Variants in APLF observed in about 807,000 individuals in gnomAD.
APLF encodes aprataxin and PNKP like factor, also known as aprataxin and PNK-like factor.
Under a neutral mutation model 55.6 loss-of-function variants are expected in APLF, and 61 were observed. The ratio of observed to expected loss-of-function variants is 1.10; its 90% CI spans 0.89 to 1.36. The LOEUF (loss-of-function observed/expected upper bound fraction) is 1.36, where lower values mean the gene tolerates loss of function less well. APLF is among the 40% of genes most tolerant of loss of function. APLF has a pLI of 0.00. For missense variants in APLF, 611 were observed against 602.5 expected, an observed-to-expected ratio of 1.01 and a Z score of -0.15; for synonymous variants, 207 against 214.8, an observed-to-expected ratio of 0.96 and a Z score of 0.32.
rs73934388 is a variant in APLF at position 68,529,340 on chromosome 2, G to A, written c.804+3098G>A. 1.1e-3 allele frequency: 1,493 copies of A among 1,335,136 alleles called. 15 individuals carry two copies. In the African/African-American group the frequency reaches 0.02, roughly 18 times the overall value. The allele number at this position is 1,335,136 out of a possible 1,614,324, so 82.7% of individuals were successfully genotyped here. A position where few individuals can be genotyped will look rare whatever the true frequency, so the allele number is the denominator to read the frequency against. ...AAAGAGTCCTGGGGCAGGCACAGGT[G>A]CAGGAGCCGCGGGGTGAGCCCGGCC... On this transcript the variant is annotated intron_variant, in intron 6 of 9. Coordinates refer to ENST00000303795, the MANE Select transcript of APLF (RefSeq NM_173545.3). This position sits in a 1 kb window ranked among gnomAD's most constrained non-coding sequence, Gnocchi z 4.4.
intron 1 of APLF, among the ~76,000 whole-genome samples, chr2:68,481,239 G>GTAAT (rs1273676902): frequency 6.6e-6 from 1 of 152,110 alleles, no homozygotes; most frequent in Non-Finnish European, 1.5e-5. Flanking sequence ...AAGCCTTGTA[G>GTAAT]TAATTCCTTT....
intron 8 of APLF, among the ~76,000 whole-genome samples, chr2:68,559,722 C>A (rs1273436894): frequency 6.6e-6 from 1 of 152,100 alleles, no homozygotes; most frequent in Non-Finnish European, 1.5e-5. Flanking sequence ...CAGTCATAAC[C>A]ACCATCCTCT....
chr2:68,513,730 A>G (rs754329666), intron 5 of APLF, 50 bp downstream of exon 5: 3 of 1,587,456 alleles, frequency 1.9e-6, no homozygotes, highest in Non-Finnish European at 2.6e-6. Flanking sequence ...CATTAAACAG[A>G]ATTTGAAAGC....
chr2:68,565,514 G>GATAGATAGATAGATAGATAC lies in APLF; in HGVS notation c.1287-1824_1287-1823insGATAGATAGATAGATACATA, dbSNP rs60590885. On this transcript the variant is annotated intron_variant, in intron 8 of 9. Transcript: ENST00000303795. ...AGTTAGATAGACAGATAGACAGATA[G>GATAGATAGATAGATAGATAC]ATACATACATACATACATACATACA... is the stretch of plus-strand genomic sequence containing the variant. Among the ~76,000 whole-genome samples the GATAGATAGATAGATAGATAC allele has an allele frequency of 3.9e-3, 578 of 149,006 alleles. 9 individuals are homozygous for GATAGATAGATAGATAGATAC. Among genetic ancestry groups the GATAGATAGATAGATAGATAC allele is most frequent in the African/African-American group, 0.014 (557 of 40,168 alleles).
chr2:68,563,870 A>G (rs1031996124), intron 8 of APLF, among the ~76,000 whole-genome samples: 2 of 152,104 alleles, frequency 1.3e-5, no homozygotes, highest in African/African-American at 4.8e-5. Context: ...TCAAATGATT[A>G]TAGATAGATA....
intron 9 of APLF, chr2:68,568,172 C>A: frequency 1.6e-6 from 1 of 628,344 alleles, no homozygotes; most frequent in African/African-American, 2.0e-5. Flanking sequence ...GTTTGTTATG[C>A]TTCTAAACTG....
intron 9 of APLF, among the ~76,000 whole-genome samples, chr2:68,575,796 T>C (rs1268551200): frequency 1.3e-5 from 2 of 152,116 alleles, no homozygotes; most frequent in African/African-American, 4.8e-5. Flanking sequence ...AGAGTTATGT[T>C]CTGGAAATGT....
intron 6 of APLF, among the ~76,000 whole-genome samples, chr2:68,536,984 G>A (rs1386453022): frequency 6.6e-6 from 1 of 151,880 alleles, no homozygotes; most frequent in East Asian, 1.9e-4. Context: ...TTGGCCAACA[G>A]TGAAACCCCG....
chr2:68,568,138 T>C (rs888213292), intron 9 of APLF: 2 of 299,524 alleles, frequency 6.7e-6, no homozygotes, highest in African/African-American at 4.5e-5. Context: ...TCTGTCCTAC[T>C]TACCTCAATC....
chr2:68,567,489 T>G (rs1326370529), intron 9 of APLF, 102 bp downstream of exon 9: 2 of 952,728 alleles, frequency 2.1e-6, no homozygotes, highest in African/African-American at 3.5e-5. Flanking sequence ...AATCTCTGCT[T>G]CTGTGAATTT....
intron 9 of APLF, among the ~76,000 whole-genome samples, chr2:68,572,890 G>A (rs944895114): frequency 3.3e-5 from 5 of 152,088 alleles, no homozygotes; most frequent in Admixed American, 1.3e-4. Context: ...TTTTCTCCAT[G>A]CAAAATCAAC....
At position 68,577,994 on chromosome 2, in the gene APLF, A is replaced by T; in HGVS notation, c.1508A>T (p.Glu503Val). The stretch of plus-strand genomic sequence containing the variant: ...GAAGATGTGGAAGAGCTTTTGAAAG[A>T]AGCAAAAAGGTTTATGAAAAGAAAA... ...EKEDVEELLK[E>V]AKRFMKRK Residue 503 changes from glutamate to valine, a missense_variant, in exon 10 of 10, where the codon GAA becomes GTA. Transcript: ENST00000303795. 1 of 1,613,166 alleles carries T rather than the reference A, an allele frequency of 6.2e-7. No homozygotes were observed. The highest frequency in any genetic ancestry group is 8.5e-7 in the Non-Finnish European group (1 of 1,179,540).
intron 1 of APLF, among the ~76,000 whole-genome samples, chr2:68,487,882 T>C (rs1676233720): frequency 6.6e-6 from 1 of 151,776 alleles, no homozygotes; most frequent in East Asian, 1.9e-4. Context: ...AGATTGTTTA[T>C]AGCATTCTTT....
chr2:68,479,079 C>T (rs1051603349), intron 1 of APLF, among the ~76,000 whole-genome samples: 13 of 152,046 alleles, frequency 8.6e-5, no homozygotes, highest in East Asian at 1.9e-4. Context: ...AGTTGAGTAA[C>T]GAAGGTGCTG....
At chr2:68,543,391 ATGGTT>A (rs1189149558) in intron 7 of APLF, among the ~76,000 whole-genome samples, 3 of 152,198 alleles carry the variant, frequency 2.0e-5, no homozygotes, top group African/African-American at 7.2e-5. Context: ...CCTGCTGTTC[ATGGTT>A]TGCCACTCTC....
At chr2:68,528,998 G>T in intron 6 of APLF, 3 of 1,514,532 alleles carry the variant, frequency 2.0e-6, no homozygotes, top group Non-Finnish European at 2.7e-6. Context: ...TGCTTCTTTG[G>T]GCTCTTCTGC....
At chr2:68,467,915 C>A in intron 1 of APLF, 88 bp downstream of exon 1, 2 of 1,004,110 alleles carry the variant, frequency 2.0e-6, no homozygotes, top group Non-Finnish European at 2.6e-6. Context: ...TGGCCGGTTT[C>A]CCCACCGCAC....
At chr2:68,527,476 G>A (rs1302265089) in intron 6 of APLF, among the ~76,000 whole-genome samples, 1 of 134,322 alleles carries the variant, frequency 7.4e-6, no homozygotes, top group Non-Finnish European at 1.6e-5. Context: ...CAGAGGCGGT[G>A]CTCCTCCTCA....
At chr2:68,488,074 A>T (rs1050411229) in intron 1 of APLF, among the ~76,000 whole-genome samples, 1 of 152,166 alleles carries the variant, frequency 6.6e-6, no homozygotes, top group African/African-American at 2.4e-5. Flanking sequence ...TCCTGAAAAA[A>T]TACAGTTTAA....
Sources: allele counts gnomAD v4.1 joint callset (sites outside exome capture counted in the v4.1 genomes callset), GRCh38; gene constraint gnomAD v4.1.1; non-coding constraint Gnocchi (gnomAD v3.1); transcripts MANE v1.5; gene names NCBI Gene and HGNC (gene_info 2026-07-23, HGNC 2026-07-21).